Variants in NPAS3 observed in about 807,000 individuals in gnomAD.
The protein encoded by NPAS3 is neuronal PAS domain protein 3.
In NPAS3, 14 loss-of-function variants were observed where a neutral mutation model predicts 73.1. That is an observed-to-expected ratio of 0.19 (90% CI 0.13 to 0.30). The LOEUF (loss-of-function observed/expected upper bound fraction) is 0.30. Among genes scored for constraint, NPAS3 ranks in the 10% least tolerant of loss-of-function variants. The pLI is 1.00. For synonymous variants in NPAS3, 620 were observed against 541.5 expected, an observed-to-expected ratio of 1.14 and a Z score of -2.01; for missense variants, 1,096 against 1,250.0, an observed-to-expected ratio of 0.88 and a Z score of 1.86.
intron 3 of NPAS3, among the ~76,000 whole-genome samples, chr14:33,345,661 G>A (rs1314678320): frequency 6.6e-6 from 1 of 152,158 alleles, no homozygotes; most frequent in Non-Finnish European, 1.5e-5. Flanking sequence ...CAGGTGGAAG[G>A]ATACAGAATT....
chr14:33,759,997 G>A (rs1421229233), intron 7 of NPAS3, among the ~76,000 whole-genome samples: 3 of 152,162 alleles, frequency 2.0e-5, no homozygotes, highest in Non-Finnish European at 4.4e-5. Flanking sequence ...AAGTCCAGCT[G>A]AATCTTCACT....
intron 10 of NPAS3, among the ~76,000 whole-genome samples, chr14:33,794,816 G>A (rs1465958395): frequency 1.3e-5 from 2 of 152,064 alleles, no homozygotes; most frequent in Non-Finnish European, 2.9e-5. Flanking sequence ...CCCACAGATT[G>A]GGCCATCTTG....
exon 8 of NPAS3, chr14:33,774,380 C>G: frequency 6.2e-7 from 1 of 1,614,028 alleles, no homozygotes; most frequent in South Asian, 1.1e-5. Flanking sequence ...GTGTCGCTGT[C>G]CCACGGGAGG....
intron 4 of NPAS3, among the ~76,000 whole-genome samples, chr14:33,543,985 ATATATATATATATATATC>A (rs1566988552): frequency 2.4e-4 from 9 of 38,126 alleles, no homozygotes; most frequent in Non-Finnish European, 3.5e-4. Flanking sequence ...ATATATATAT[ATATATATATATATATATC>A]TATATCAGGA....
At chr14:33,614,360 T>C (rs965181884) in intron 5 of NPAS3, among the ~76,000 whole-genome samples, 1 of 152,196 alleles carries the variant, frequency 6.6e-6, no homozygotes, top group African/African-American at 2.4e-5. Flanking sequence ...ATTTTGAACA[T>C]ATTAATAATT....
intron 5 of NPAS3, among the ~76,000 whole-genome samples, chr14:33,602,123 A>G (rs766975045): frequency 1.3e-5 from 2 of 152,216 alleles, no homozygotes; most frequent in African/African-American, 2.4e-5. Context: ...CAAGGGGCAG[A>G]GATGAGAGCT....
intron 6 of NPAS3, among the ~76,000 whole-genome samples, chr14:33,710,424 C>T (rs2060784578): frequency 6.6e-6 from 1 of 152,198 alleles, no homozygotes. Context: ...AACCACATAG[C>T]TTCTTATCCA....
At chr14:33,476,053 T>A (rs2051019739) in intron 4 of NPAS3, among the ~76,000 whole-genome samples, 1 of 152,184 alleles carries the variant, frequency 6.6e-6, no homozygotes, top group Admixed American at 6.6e-5. Flanking sequence ...ACAGACTCCC[T>A]AAAAGGCACA....
chr14:33,370,798 G>C lies in NPAS3; in HGVS notation c.468+3530G>C, dbSNP rs184134006. ...GCCCATAATTAGAGGTGAAAGGCTAGAGAATGACAGGATTTAATCATCACC... is the reference window on the plus strand; with the variant it reads ...GCCCATAATTAGAGGTGAAAGGCTACAGAATGACAGGATTTAATCATCACC... On this transcript the variant is annotated intron_variant, in intron 4 of 11. Transcript: ENST00000356141. 1.9e-3 allele frequency among the ~76,000 whole-genome samples: 289 copies of C among 152,246 alleles called. 3 individuals carry two copies. Among genetic ancestry groups the C allele is most frequent in the Middle Eastern group, 6.8e-3 (2 of 294 alleles).
At chr14:33,361,264 G>A (rs2045587429) in intron 3 of NPAS3, among the ~76,000 whole-genome samples, 2 of 152,158 alleles carry the variant, frequency 1.3e-5, no homozygotes, top group African/African-American at 4.8e-5. Context: ...AAACATTTTC[G>A]AGACTTACTA....
At chr14:33,200,641 T>G (rs1424622576) in intron 2 of NPAS3, among the ~76,000 whole-genome samples, 1 of 152,156 alleles carries the variant, frequency 6.6e-6, no homozygotes, top group Non-Finnish European at 1.5e-5. Flanking sequence ...ATTTTTAAAA[T>G]AAGATGCCAG....
At chr14:33,448,285 A>G (rs1480668253) in intron 4 of NPAS3, among the ~76,000 whole-genome samples, 1 of 152,230 alleles carries the variant, frequency 6.6e-6, no homozygotes, top group Non-Finnish European at 1.5e-5. Flanking sequence ...ATAAAGTTTT[A>G]AAAGAAGAAA....
At chr14:33,512,528 A>G (rs147033854) in intron 4 of NPAS3, among the ~76,000 whole-genome samples, 2 of 152,214 alleles carry the variant, frequency 1.3e-5, no homozygotes, top group African/African-American at 4.8e-5. Context: ...TTCAAACCTC[A>G]TGGCATTTGT....
intron 4 of NPAS3, among the ~76,000 whole-genome samples, chr14:33,433,915 G>A (rs2048877452): frequency 6.6e-6 from 1 of 152,212 alleles, no homozygotes; most frequent in African/African-American, 2.4e-5. Flanking sequence ...ACTAGGCCGG[G>A]CATGGTGGCT....
rs757514982 is a variant in NPAS3 at position 33,800,963 on chromosome 14, G to A, written c.2656G>A (p.Gly886Ser). The A allele has an allele frequency of 3.8e-6, 6 of 1,599,016 alleles. No homozygotes were observed. The highest frequency in any genetic ancestry group is 4.3e-6 in the Non-Finnish European group (5 of 1,173,646). The change falls in exon 12 of 12, where the codon GGC (glycine) becomes AGC (serine). Residue 886 changes from glycine to serine, a missense_variant. This residue lies in a region of NPAS3 where 698 missense variants were observed against 676.7 expected (regional missense o/e 1.03). Transcript: ENST00000356141. The surrounding 1 kb of genome is among the most constrained non-coding windows in gnomAD (Gnocchi z 6.5). ...CCGGCTCAACATGTCAGGACCGTTC[G>A]GCGGCGCAGTGAGCGCAGCTAGCCT...
chr14:33,375,993 T>C (rs17100872), intron 4 of NPAS3, among the ~76,000 whole-genome samples: 2,963 of 152,282 alleles, frequency 0.019, 47 homozygotes, highest in Non-Finnish European at 0.03. Flanking sequence ...TAATGTTTCA[T>C]ACTTACGGAA....
At chr14:33,571,178 A>G (rs1045335128) in intron 5 of NPAS3, among the ~76,000 whole-genome samples, 1 of 152,126 alleles carries the variant, frequency 6.6e-6, no homozygotes, top group African/African-American at 2.4e-5. Context: ...AGGGCTCTGG[A>G]CTGGGATCCA....
At chr14:33,560,411 T>C in intron 5 of NPAS3, 1 of 442,292 alleles carries the variant, frequency 2.3e-6, no homozygotes, top group Non-Finnish European at 4.1e-6. Flanking sequence ...GCTCAAAAAC[T>C]TTAGTTCCGC....
intron 2 of NPAS3, among the ~76,000 whole-genome samples, chr14:33,091,381 A>G (rs140992426): frequency 0.014 from 2,122 of 152,358 alleles, 52 homozygotes; most frequent in African/African-American, 0.044. Context: ...AATAAACTAG[A>G]AAACTTAGAA....
Sources: allele counts gnomAD v4.1 joint callset (sites outside exome capture counted in the v4.1 genomes callset), GRCh38; gene constraint gnomAD v4.1.1; regional missense constraint gnomAD v4.1.1; non-coding constraint Gnocchi (gnomAD v3.1); transcripts MANE v1.5; gene names NCBI Gene and HGNC (gene_info 2026-07-23, HGNC 2026-07-21).